The following ST8SIA3 variants were observed in gnomAD, a reference collection of about 807,000 sequenced individuals.
The protein encoded by ST8SIA3 is ST8 alpha-N-acetyl-neuraminide alpha-2,8-sialyltransferase 3.
In ST8SIA3, 17 loss-of-function variants were observed where a neutral mutation model predicts 34.5. The ratio of observed to expected loss-of-function variants is 0.49; its 90% CI spans 0.34 to 0.74. ST8SIA3 has a LOEUF of 0.74. ST8SIA3 is among the 30% of genes least tolerant of loss of function. The probability of loss-of-function intolerance (pLI) is 0.01; values close to 1 mark genes in which losing one functional copy is unlikely to be tolerated. For missense variants in ST8SIA3, 354 were observed against 467.8 expected (o/e 0.76, Z 2.24); for synonymous variants, 172 against 176.1 (o/e 0.98, Z 0.19).
rs545633263 is a variant in ST8SIA3, at chr18:57,367,336, C to T, written c.*7059C>T. Reference sequence around the variant, plus strand: ...TGGTCATTGAAATGAGCTTGTTTCTCTACATTGAGCAAGCTACATTTTATT... The same window carrying T: ...TGGTCATTGAAATGAGCTTGTTTCTTTACATTGAGCAAGCTACATTTTATT... On this transcript the variant is annotated 3_prime_UTR_variant, in exon 4 of 4. Transcript: ENST00000324000. 1 of 152,450 alleles carries T rather than the reference C, an allele frequency of 6.6e-6. No individual in the cohort carries two copies. The highest frequency in any genetic ancestry group is 1.5e-5 in the Non-Finnish European group (1 of 68,048). The allele number at this position is 152,450 out of a possible 1,614,324, so 9.4% of individuals were successfully genotyped here.
Position 57,352,626 on chromosome 18 carries a change from C to G in ST8SIA3, c.-221C>G, listed in dbSNP as rs978829958. 1.4e-5 allele frequency: 8 copies of G among 558,452 alleles called. No homozygotes were observed. The highest frequency in any genetic ancestry group is 2.0e-5 in the African/African-American group (1 of 50,734). 34.6% of individuals were successfully genotyped at this position (558,452 alleles called of 1,614,324 possible). ...ACCGGGCCCCGCGCGCCCCTGCCTA[C>G]GGGGTCCCGCTGCTCTCCGGGGCTC... On this transcript the variant is annotated 5_prime_UTR_variant, in exon 1 of 4. Transcript: ENST00000324000.
In ST8SIA3 at chr18:57,364,301, G is replaced by A. The variant is rs935402988; in HGVS notation, c.*4024G>A. 32 of 152,132 alleles carry A rather than the reference G, an allele frequency of 2.1e-4. No individual in the cohort carries two copies. The highest frequency in any genetic ancestry group is 7.2e-4 in the African/African-American group (30 of 41,426). 9.4% of individuals were successfully genotyped at this position (152,132 alleles called of 1,614,324 possible). On this transcript the variant is annotated 3_prime_UTR_variant, in exon 4 of 4. Transcript: ENST00000324000. The stretch of plus-strand genomic sequence containing the variant: ...GAAGTTGAAGGCTGAAAATTGTTGT[G>A]TTCTTCTCCATATATATACAACTTT...
Position 57,357,461 on chromosome 18 carries a change from A to T in ST8SIA3, c.851A>T (p.His284Leu). 6.2e-7 allele frequency: 1 copy of T among 1,610,528 alleles called. No individual in the cohort carries two copies. The highest frequency in any genetic ancestry group is 8.5e-7 in the Non-Finnish European group (1 of 1,178,792). Residue 284 changes from histidine to leucine, a missense_variant, in exon 3 of 4, where the codon CAT becomes CTT. By Grantham distance (99) the His-to-Leu change is moderately conservative. Around this residue, in one of 3 missense-constraint regions of ST8SIA3, gnomAD observed 166 missense variants for 245.2 expected, o/e 0.68. Transcript: ENST00000324000. Reference protein sequence around the residue: ...QLAWPGNIMQHVNRYWKNKHL... With the variant: ...QLAWPGNIMQLVNRYWKNKHL... Reference sequence around the variant, plus strand: ...GCTTGGCCGGGAAATATAATGCAACATGTCAACAGGTGTGTATATTTTATT... The same window carrying T: ...GCTTGGCCGGGAAATATAATGCAACTTGTCAACAGGTGTGTATATTTTATT...
chr18:57,353,021 T>C lies in ST8SIA3; in HGVS notation c.175T>C (p.Phe59Leu). The change falls in exon 1 of 4, where the codon TTC (phenylalanine) becomes CTC (leucine). Residue 59 changes from phenylalanine to leucine, a missense_variant. Physicochemically the swap from Phe to Leu is conservative, Grantham distance 22 (BLOSUM62 0). Around this residue, in one of 3 missense-constraint regions of ST8SIA3, gnomAD observed 184 missense variants for 205.4 expected, o/e 0.90. Coordinates refer to ENST00000324000, the MANE Select transcript of ST8SIA3 (RefSeq NM_015879.3). Reference sequence around the variant, plus strand: ...CCGAATGTACATGTTCCACGCGGGATTCCGGTGAGTGCGGGCCTCTGTGTT... The same window carrying C: ...CCGAATGTACATGTTCCACGCGGGACTCCGGTGAGTGCGGGCCTCTGTGTT... ...APRMYMFHAG[F>L]RSQFALKFLD... The C allele has an allele frequency of 6.2e-7, 1 of 1,606,810 alleles. No individual in the cohort carries two copies. Among genetic ancestry groups the C allele is most frequent in the Non-Finnish European group, 8.5e-7 (1 of 1,179,676 alleles).
At chr18:57,356,049 G>A (rs1006821030) in intron 2 of ST8SIA3, among the ~76,000 whole-genome samples, 12 of 152,120 alleles carry the variant, frequency 7.9e-5, no homozygotes, top group African/African-American at 1.2e-4. Flanking sequence ...ACTTAACATC[G>A]GAGAATCTAG....
In ST8SIA3 at chr18:57,367,916, C is replaced by T. The variant is rs17831141; in HGVS notation, c.*7639C>T. On this transcript the variant is annotated 3_prime_UTR_variant, in exon 4 of 4. Transcript: ENST00000324000. ...TTAGCACTGAAATTCTCCCAGGACA[C>T]AAAACAAATGTATGGAAACATCGCA... is the stretch of plus-strand genomic sequence containing the variant. 0.053 allele frequency: 8,112 copies of T among 152,626 alleles called. 667 individuals are homozygous for T. Among genetic ancestry groups the T allele is most frequent in the East Asian group, 0.38 (1,951 of 5,156 alleles). The allele number at this position is 152,626 out of a possible 1,614,324, so 9.5% of individuals were successfully genotyped here.
At position 57,354,455 on chromosome 18, in the gene ST8SIA3, C is replaced by T. The variant is rs2049786585; in HGVS notation, c.233C>T (p.Ser78Phe). ...LDPSFVPITN[S>F]LTQELQEKPS... The stretch of plus-strand genomic sequence containing the variant: ...CCGTCATTCGTGCCCATTACGAATT[C>T]TCTCACCCAGGAACTCCAAGAGAAA... The change falls in exon 2 of 4, where the codon TCT becomes TTT. Residue 78 changes from serine (S) to phenylalanine (F), a missense_variant. Ser to Phe is a radical substitution (Grantham distance 155, BLOSUM62 -2). Coordinates refer to ENST00000324000, the MANE Select transcript of ST8SIA3 (RefSeq NM_015879.3). 6 of 1,614,056 alleles carry T rather than the reference C, an allele frequency of 3.7e-6. No homozygotes were observed. The African/African-American group carries it at 4.0e-5, about 11-fold the overall frequency.
intron 2 of ST8SIA3, among the ~76,000 whole-genome samples, chr18:57,355,713 A>G (rs2049794765): frequency 6.6e-6 from 1 of 152,200 alleles, no homozygotes; most frequent in Non-Finnish European, 1.5e-5. Context: ...AACTCAATAA[A>G]AAATATTCTT....
At chr18:57,354,833 C>A (rs2049789573) in intron 2 of ST8SIA3, among the ~76,000 whole-genome samples, 1 of 148,560 alleles carries the variant, frequency 6.7e-6, no homozygotes. Context: ...ACAAGTCTGG[C>A]AAGTACTGCC....
rs1175311519 is a variant in ST8SIA3, at chr18:57,357,484, A to T, written c.860+14A>T. On this transcript the variant is annotated intron_variant, in intron 3 of 3. Coordinates refer to ENST00000324000, the MANE Select transcript of ST8SIA3 (RefSeq NM_015879.3). ...ACATGTCAACAGGTGTGTATATTTT[A>T]TTACATTTTACTCATACTCCACCAG... The T allele has an allele frequency of 6.3e-7, 1 of 1,594,946 alleles. No homozygotes were observed. Among genetic ancestry groups the T allele is most frequent in the East Asian group, 2.2e-5 (1 of 44,712 alleles).
Position 57,354,530 on chromosome 18 carries a change from A to T in ST8SIA3, c.302+6A>T. Reference sequence around the variant, plus strand: ...ACAGCGTTTTTACATCAAAGGTAGGATAGGAGGAAAAGATCCAAAAGGTGC... The same window carrying T: ...ACAGCGTTTTTACATCAAAGGTAGGTTAGGAGGAAAAGATCCAAAAGGTGC... On this transcript the variant is annotated splice_donor_region_variant and intron_variant, in intron 2 of 3. Coordinates refer to ENST00000324000, the MANE Select transcript of ST8SIA3 (RefSeq NM_015879.3). 1.2e-5 allele frequency: 20 copies of T among 1,613,974 alleles called. No homozygotes were observed. The highest frequency in any genetic ancestry group is 1.6e-5 in the Non-Finnish European group (19 of 1,179,868).
chr18:57,357,189 T>G lies in ST8SIA3; in HGVS notation c.579T>G (p.Pro193=). 1 of 1,614,158 alleles carries G rather than the reference T, an allele frequency of 6.2e-7. No individual in the cohort carries two copies. Among genetic ancestry groups the G allele is most frequent in the African/African-American group, 1.3e-5 (1 of 75,058 alleles). ...SDFVFRCNFA[P]TEAFQRDVGR... ...TTGTTTTCCGTTGCAATTTCGCCCC[T>G]ACGGAGGCTTTCCAAAGAGATGTTG... The change falls in exon 3 of 4, where the codon CCT becomes CCG. Residue 193 remains proline, a synonymous_variant. Transcript: ENST00000324000.
chr18:57,359,925 T>G, intron 3 of ST8SIA3, 70 bp from the exon 4 acceptor site: 1 of 1,385,278 alleles, frequency 7.2e-7, no homozygotes, highest in East Asian at 2.3e-5. Context: ...CCCAGCCCAG[T>G]CAGATAGACC....
In ST8SIA3 at chr18:57,352,851, G is replaced by A; in HGVS notation, c.5G>A (p.Arg2Lys). Residue 2 changes from arginine to lysine, a missense_variant, in exon 1 of 4, where the codon AGA (arginine) becomes AAA (lysine). Around this residue, in one of 3 missense-constraint regions of ST8SIA3, gnomAD observed 184 missense variants for 205.4 expected, o/e 0.90. Coordinates refer to ENST00000324000, the MANE Select transcript of ST8SIA3 (RefSeq NM_015879.3). ...CTGAACCCAGCCCAGCCCGGGATGA[G>A]AAACTGCAAAATGGCCCGGGTCGCC... M[R>K]NCKMARVASV... 6.2e-7 allele frequency: 1 copy of A among 1,613,500 alleles called. No individual in the cohort carries two copies. The highest frequency in any genetic ancestry group is 8.5e-7 in the Non-Finnish European group (1 of 1,179,950).
rs368827132 is a variant in ST8SIA3, at chr18:57,354,117, C to CTCCA, written c.180-284_180-281dup. 5.8e-3 allele frequency among the ~76,000 whole-genome samples: 878 copies of CTCCA among 152,366 alleles called. 8 individuals are homozygous for CTCCA. The highest frequency in any genetic ancestry group is 0.02 in the African/African-American group (844 of 41,588). On this transcript the variant is annotated intron_variant, in intron 1 of 3. Transcript: ENST00000324000. ...TCCCTGGTCCTCGCAGCGCCGCGGG[C>CTCCA]TCCAGCCCTGCGCCCGGCGTGCGCC...
At position 57,352,769 on chromosome 18, in the gene ST8SIA3, CATAT is replaced by C. The variant is rs752135499; in HGVS notation, c.-74_-71del. 1.9e-5 allele frequency: 19 copies of C among 1,024,910 alleles called. No individual in the cohort carries two copies. The highest frequency in any genetic ancestry group is 2.6e-5 in the Non-Finnish European group (18 of 686,450). The allele number at this position is 1,024,910 out of a possible 1,614,324, so 63.5% of individuals were successfully genotyped here. A position where few individuals can be genotyped will look rare whatever the true frequency, so the allele number is the denominator to read the frequency against. ...ACACACACACACACACACACACACA[CATAT>C]ATACACGCCAGCGAGCTGCTGGCCG... On this transcript the variant is annotated 5_prime_UTR_variant, in exon 1 of 4. Transcript: ENST00000324000.
rs2049871561 is a variant in ST8SIA3 at position 57,368,241 on chromosome 18, T to A, written c.*7964T>A. 1 of 152,254 alleles carries A rather than the reference T, an allele frequency of 6.6e-6. No individual in the cohort carries two copies. Among genetic ancestry groups the A allele is most frequent in the Non-Finnish European group, 1.5e-5 (1 of 68,048 alleles). 9.4% of individuals were successfully genotyped at this position (152,254 alleles called of 1,614,324 possible). ...TCAAGACAAAAGAATGTTTGTGATA[T>A]CTTCTCTCGCTTAACATACTTTGAT... On this transcript the variant is annotated 3_prime_UTR_variant, in exon 4 of 4. Coordinates refer to ENST00000324000, the MANE Select transcript of ST8SIA3 (RefSeq NM_015879.3).
chr18:57,364,186 C>A lies in ST8SIA3; in HGVS notation c.*3909C>A, dbSNP rs926856612. ...GATTTGATAAATAACAATTAAGTTA[C>A]TGGTGGTTCATGCTTGACAGCTGCA... On this transcript the variant is annotated 3_prime_UTR_variant, in exon 4 of 4. Transcript: ENST00000324000. 1 of 152,168 alleles carries A rather than the reference C, an allele frequency of 6.6e-6. No homozygotes were observed. The highest frequency in any genetic ancestry group is 2.4e-5 in the African/African-American group (1 of 41,436). 9.4% of individuals were successfully genotyped at this position (152,168 alleles called of 1,614,324 possible). A position where few individuals can be genotyped will look rare whatever the true frequency, so the allele number is the denominator to read the frequency against.
rs918216827 is a variant in ST8SIA3, at chr18:57,356,842, A to G, written c.303-71A>G. 6.0e-5 allele frequency: 59 copies of G among 975,718 alleles called. No individual in the cohort carries two copies. The South Asian group carries it at 9.0e-4, about 15-fold the overall frequency. The allele number at this position is 975,718 out of a possible 1,614,324, so 60.4% of individuals were successfully genotyped here. Reference sequence around the variant, plus strand: ...TAAGATTCCCTCTGAATGAAATGTCAGCATAAGTCATAAGATGGAAAATCA... The same window carrying G: ...TAAGATTCCCTCTGAATGAAATGTCGGCATAAGTCATAAGATGGAAAATCA... On this transcript the variant is annotated intron_variant, in intron 2 of 3. Transcript: ENST00000324000.
Sources: allele counts gnomAD v4.1 joint callset (sites outside exome capture counted in the v4.1 genomes callset), GRCh38; gene constraint gnomAD v4.1.1; regional missense constraint gnomAD v4.1.1; transcripts MANE v1.5; gene names NCBI Gene and HGNC (gene_info 2026-07-23, HGNC 2026-07-21).